LIPN: variants seen among roughly 807,000 people sequenced by gnomAD.
The protein encoded by LIPN is lipase family member N, also known as lipase member N.
Under a neutral mutation model 43.7 loss-of-function variants are expected in LIPN, and 32 were observed. The ratio of observed to expected loss-of-function variants is 0.73; its 90% CI spans 0.55 to 0.98. The LOEUF (loss-of-function observed/expected upper bound fraction) is 0.98, where lower values mean the gene tolerates loss of function less well. LIPN is among the 50% of genes least tolerant of loss of function. The pLI is 0.00. For missense variants in LIPN, 505 were observed against 483.8 expected, an observed-to-expected ratio of 1.04 and a Z score of -0.41; for synonymous variants, 156 against 157.6, an observed-to-expected ratio of 0.99 and a Z score of 0.08.
chr10:88,760,827 G>T (rs1842984349), intron 1 of LIPN, among the ~76,000 whole-genome samples: 1 of 152,034 alleles, frequency 6.6e-6, no homozygotes, highest in African/African-American at 2.4e-5. Flanking sequence ...TTATAGTGTT[G>T]GTCTACCTTT....
intron 7 of LIPN, among the ~76,000 whole-genome samples, chr10:88,771,490 C>T (rs1324654433): frequency 6.6e-6 from 1 of 151,700 alleles, no homozygotes; most frequent in African/African-American, 2.4e-5. Context: ...TTTTAAACTC[C>T]CCTATATGAG....
intron 4 of LIPN, among the ~76,000 whole-genome samples, chr10:88,765,124 C>T (rs976644223): frequency 4.6e-5 from 7 of 151,972 alleles, no homozygotes; most frequent in Non-Finnish European, 8.8e-5. Flanking sequence ...AAACTGAGAT[C>T]GCACATAGTA....
Position 88,774,557 on chromosome 10 carries a change from T to C in LIPN, c.891+13T>C. 1 of 1,601,668 alleles carries C rather than the reference T, an allele frequency of 6.2e-7. No homozygotes were observed. Among genetic ancestry groups the C allele is most frequent in the Non-Finnish European group, 8.6e-7 (1 of 1,169,522 alleles). On this transcript the variant is annotated intron_variant, in intron 8 of 9. Coordinates refer to ENST00000404459, the MANE Select transcript of LIPN (RefSeq NM_001102469.2). ...GCATATAAAACAGGTAGAGTCTTAG[T>C]CATGGAAAACCATTCCAATCCTTAT...
intron 7 of LIPN, among the ~76,000 whole-genome samples, chr10:88,772,714 T>G (rs1169386426): frequency 2.0e-5 from 3 of 151,802 alleles, no homozygotes; most frequent in African/African-American, 7.2e-5. Context: ...TTCTTTTTTC[T>G]CAGAATCTTA....
At chr10:88,774,048 T>C (rs952949489) in intron 7 of LIPN, among the ~76,000 whole-genome samples, 5 of 152,008 alleles carry the variant, frequency 3.3e-5, no homozygotes, top group African/African-American at 1.2e-4. Flanking sequence ...TTAAATATGG[T>C]GGCCAAGTTC....
chr10:88,773,125 A>G (rs1843238337), intron 7 of LIPN, among the ~76,000 whole-genome samples: 1 of 149,868 alleles, frequency 6.7e-6, no homozygotes, highest in African/African-American at 2.5e-5. Context: ...TACCAATGAC[A>G]TTCTTCATTG....
At chr10:88,762,143 A>T (rs753791576) in intron 2 of LIPN, 45 bp from the exon 3 acceptor site, 1 of 982,976 alleles carries the variant, frequency 1.0e-6, no homozygotes, top group Non-Finnish European at 1.6e-6. Context: ...TCCTTTTTAT[A>T]TCCTTTGGAG....
intron 8 of LIPN, 118 bp from the exon 9 acceptor site, chr10:88,774,974 C>A: frequency 1.5e-6 from 1 of 655,124 alleles, no homozygotes; most frequent in Non-Finnish European, 2.7e-6. Context: ...TGGTTACATC[C>A]TTCTGGTGAT....
At chr10:88,774,737 G>T (rs1419937166) in intron 8 of LIPN, among the ~76,000 whole-genome samples, 193 bp downstream of exon 8, 3 of 151,684 alleles carry the variant, frequency 2.0e-5, no homozygotes, top group African/African-American at 7.3e-5. Flanking sequence ...CCAAGTAGAT[G>T]ACATAAATGA....
chr10:88,760,595 A>T (rs911774273), intron 1 of LIPN, among the ~76,000 whole-genome samples: 1 of 152,150 alleles, frequency 6.6e-6, no homozygotes, highest in Non-Finnish European at 1.5e-5. Context: ...GAAAGCATTT[A>T]TTAAGAACTT....
At chr10:88,769,585 A>G (rs1843172145) in intron 6 of LIPN, 1 of 984,322 alleles carries the variant, frequency 1.0e-6, no homozygotes, top group Non-Finnish European at 1.2e-6. Context: ...GCATTTAATC[A>G]AATTCCAGAT....
intron 9 of LIPN, 86 bp from the exon 10 acceptor site, chr10:88,777,923 C>A: frequency 1.3e-6 from 1 of 749,860 alleles, no homozygotes; most frequent in Non-Finnish European, 2.3e-6. Context: ...AGAACTATGG[C>A]CATTGTCCAC....
upstream of LIPN, among the ~76,000 whole-genome samples, chr10:88,758,841 A>T (rs1842958831): frequency 6.6e-6 from 1 of 152,090 alleles, no homozygotes; most frequent in Non-Finnish European, 1.5e-5. Flanking sequence ...ATCTGTAAAG[A>T]TCTGTGAAAT....
chr10:88,764,404 C>T lies in LIPN; in HGVS notation c.227-6C>T, dbSNP rs527502148. ...CCCTCTCTCATCTTACCCTTTCCCC[C>T]ACCAGGTCCCCGGCCAGTTGTGTAT... On this transcript the variant is annotated splice_polypyrimidine_tract_variant and splice_region_variant and intron_variant, in intron 3 of 9. Transcript: ENST00000404459. 57 of 1,605,132 alleles carry T rather than the reference C, an allele frequency of 3.6e-5. No individual in the cohort carries two copies. The highest frequency in any genetic ancestry group is 4.7e-5 in the Non-Finnish European group (55 of 1,174,882).
chr10:88,762,318 T>C lies in LIPN; in HGVS notation c.226+13T>C. ...GCTAGGAGCACAGGTACAAGATATGTCTCTCCTGAAAAGGGGACTGCATTG... is the reference window on the plus strand; with the variant it reads ...GCTAGGAGCACAGGTACAAGATATGCCTCTCCTGAAAAGGGGACTGCATTG... On this transcript the variant is annotated intron_variant, in intron 3 of 9. Transcript: ENST00000404459. The C allele has an allele frequency of 6.6e-7, 1 of 1,519,806 alleles. No individual in the cohort carries two copies. The highest frequency in any genetic ancestry group is 9.1e-7 in the Non-Finnish European group (1 of 1,102,610). The allele number at this position is 1,519,806 out of a possible 1,614,324, so 94.1% of individuals were successfully genotyped here. A position where few individuals can be genotyped will look rare whatever the true frequency, so the allele number is the denominator to read the frequency against.
At chr10:88,761,152 G>GCCT (rs1018804308) in intron 1 of LIPN, among the ~76,000 whole-genome samples, 12 of 152,016 alleles carry the variant, frequency 7.9e-5, no homozygotes. Context: ...GACCAAAAAT[G>GCCT]CCTCCATACT....
At chr10:88,777,197 G>A (rs1486639922) in intron 9 of LIPN, among the ~76,000 whole-genome samples, 1 of 151,956 alleles carries the variant, frequency 6.6e-6, no homozygotes, top group East Asian at 1.9e-4. Context: ...TTGAAACTCA[G>A]TCCCCTGACT....
At chr10:88,763,194 G>A (rs1312108186) in intron 3 of LIPN, among the ~76,000 whole-genome samples, 1 of 151,824 alleles carries the variant, frequency 6.6e-6, no homozygotes. Flanking sequence ...TAAATTTGAA[G>A]GTCAGATAAA....
At chr10:88,757,933 T>C (rs1303834485), upstream of LIPN, among the ~76,000 whole-genome samples, 1 of 152,152 alleles carries the variant, frequency 6.6e-6, no homozygotes, top group Non-Finnish European at 1.5e-5. Context: ...ACAGTCTTTT[T>C]ACTGTAGGGT....
Sources: allele counts gnomAD v4.1 joint callset (sites outside exome capture counted in the v4.1 genomes callset), GRCh38; gene constraint gnomAD v4.1.1; transcripts MANE v1.5; gene names NCBI Gene and HGNC (gene_info 2026-07-23, HGNC 2026-07-21).